Variants in RBFOX1 observed in about 807,000 individuals in gnomAD.
RBFOX1 encodes the protein RNA binding fox-1 homolog 1.
Under a neutral mutation model 57.7 loss-of-function variants are expected in RBFOX1, and 8 were observed. The observed-to-expected ratio is 0.14, with a 90% CI of 0.08 to 0.25. The LOEUF (loss-of-function observed/expected upper bound fraction) is 0.25, where lower values mean the gene tolerates loss of function less well. Among genes scored for constraint, RBFOX1 ranks in the 10% least tolerant of loss-of-function variants. The probability of loss-of-function intolerance (pLI) is 1.00; values close to 1 mark genes in which losing one functional copy is unlikely to be tolerated. For missense variants in RBFOX1, 611 were observed against 548.5 expected, an observed-to-expected ratio of 1.11 and a Z score of -1.14; for synonymous variants, 326 against 222.4, an observed-to-expected ratio of 1.47 and a Z score of -4.15.
chr16:6,942,098 G>A (rs189372116), intron 3 of RBFOX1, among the ~76,000 whole-genome samples: 4 of 152,144 alleles, frequency 2.6e-5, no homozygotes, highest in South Asian at 4.2e-4. Flanking sequence ...AATTAGCCAC[G>A]TGCAGTGGTG....
chr16:7,539,655 G>T (rs1407552288), intron 5 of RBFOX1, among the ~76,000 whole-genome samples: 1 of 152,198 alleles, frequency 6.6e-6, no homozygotes, highest in African/African-American at 2.4e-5. Context: ...TGAAATGCAG[G>T]AATAAGGATA....
chr16:7,504,739 A>ATATATATATATT (rs2072373930), intron 4 of RBFOX1, among the ~76,000 whole-genome samples: 4 of 7,938 alleles, frequency 5.0e-4, no homozygotes, highest in African/African-American at 1.6e-3. Context: ...ATATATATAT[A>ATATATATATATT]TATATATATA....
chr16:7,523,559 G>T (rs1473222293), intron 5 of RBFOX1, among the ~76,000 whole-genome samples: 1 of 152,152 alleles, frequency 6.6e-6, no homozygotes, highest in Non-Finnish European at 1.5e-5. Context: ...GGACCGGTTA[G>T]CTGTCTACTC....
intron 3 of RBFOX1, among the ~76,000 whole-genome samples, chr16:6,933,709 C>T (rs964355396): frequency 2.6e-5 from 4 of 152,166 alleles, no homozygotes; most frequent in South Asian, 2.1e-4. Context: ...CACGAGACTG[C>T]GTCTCATTAA....
chr16:7,532,442 C>G (rs1252190899), intron 5 of RBFOX1, among the ~76,000 whole-genome samples: 3 of 152,142 alleles, frequency 2.0e-5, no homozygotes, highest in African/African-American at 7.2e-5. Flanking sequence ...AATTTTTCCT[C>G]TTTTGAGACA....
chr16:5,350,229 T>C (rs1270768078), intron 1 of RBFOX1, among the ~76,000 whole-genome samples: 1 of 152,204 alleles, frequency 6.6e-6, no homozygotes, highest in Non-Finnish European at 1.5e-5. Flanking sequence ...CCCTTTGCCA[T>C]GAGAAACTCA....
chr16:6,674,373 G>C (rs925348340), intron 3 of RBFOX1, among the ~76,000 whole-genome samples: 1 of 151,870 alleles, frequency 6.6e-6, no homozygotes, highest in Non-Finnish European at 1.5e-5. Flanking sequence ...CCAGGCTGGA[G>C]TGCAATGGTG....
At chr16:6,672,817 C>T (rs1277777149) in intron 3 of RBFOX1, among the ~76,000 whole-genome samples, 1 of 152,148 alleles carries the variant, frequency 6.6e-6, no homozygotes, top group African/African-American at 2.4e-5. Context: ...CCCAAGTAAT[C>T]CTAACTTAAG....
At chr16:5,639,154 TA>T (rs2048779186) in intron 3 of RBFOX1, among the ~76,000 whole-genome samples, 1 of 152,356 alleles carries the variant, frequency 6.6e-6, no homozygotes, top group Admixed American at 6.5e-5. Context: ...AATACAGTTT[TA>T]TTAGTCACTT....
intron 4 of RBFOX1, among the ~76,000 whole-genome samples, chr16:7,383,054 G>GT (rs1379963528): frequency 1.3e-5 from 2 of 151,854 alleles, no homozygotes; most frequent in African/African-American, 4.8e-5. Flanking sequence ...ATTTTCTTTG[G>GT]TATCTAAAGA....
intron 4 of RBFOX1, among the ~76,000 whole-genome samples, chr16:5,955,118 T>TTAAAAAAAAAAAAAAAAA (rs2059599305): frequency 7.0e-5 from 1 of 14,290 alleles, no homozygotes; most frequent in African/African-American, 3.6e-4. Flanking sequence ...CCATCTCTAC[T>TTAAAAAAAAAAAAAAAAA]AAAAAAAAAA....
At chr16:6,352,014 C>A (rs890634679) in intron 2 of RBFOX1, among the ~76,000 whole-genome samples, 1 of 152,140 alleles carries the variant, frequency 6.6e-6, no homozygotes, top group Non-Finnish European at 1.5e-5. Context: ...CCAAACCTAC[C>A]CTTTTTCAGT....
chr16:6,102,336 T>C (rs775122979), intron 1 of RBFOX1, among the ~76,000 whole-genome samples: 22 of 152,194 alleles, frequency 1.4e-4, no homozygotes, highest in Non-Finnish European at 2.4e-4. Context: ...AGTTTGTTAA[T>C]TTTTCTAAGA....
intron 3 of RBFOX1, among the ~76,000 whole-genome samples, chr16:6,761,924 C>T (rs373898268): frequency 6.6e-6 from 1 of 152,104 alleles, no homozygotes; most frequent in African/African-American, 2.4e-5. Flanking sequence ...CACCTCTAGA[C>T]TGATGATCAT....
chr16:7,087,101 G>A (rs1567207372), intron 4 of RBFOX1, among the ~76,000 whole-genome samples: 1 of 152,170 alleles, frequency 6.6e-6, no homozygotes, highest in Non-Finnish European at 1.5e-5. Context: ...TAATGAGTCT[G>A]GGGAGGCCTT....
intron 2 of RBFOX1, among the ~76,000 whole-genome samples, chr16:6,381,469 G>C (rs1294389812): frequency 6.6e-6 from 1 of 152,200 alleles, no homozygotes; most frequent in Admixed American, 6.5e-5. Context: ...CAGGAAGTCA[G>C]CGAGGAGTGA....
chr16:6,320,918 C>G (rs1482089514), intron 2 of RBFOX1, among the ~76,000 whole-genome samples: 1 of 152,092 alleles, frequency 6.6e-6, no homozygotes, highest in Non-Finnish European at 1.5e-5. Flanking sequence ...CTCAGCCTCC[C>G]AAGTAGCTGA....
intron 13 of RBFOX1, among the ~76,000 whole-genome samples, chr16:7,665,703 G>A (rs1034191455): frequency 6.6e-6 from 1 of 152,258 alleles, no homozygotes; most frequent in South Asian, 2.1e-4. Flanking sequence ...ATGACTTGGA[G>A]TAAACACAAT....
chr16:6,643,851 C>G (rs558324224), intron 2 of RBFOX1, among the ~76,000 whole-genome samples: 2 of 151,818 alleles, frequency 1.3e-5, no homozygotes, highest in Non-Finnish European at 2.9e-5. Flanking sequence ...TAAGGCTGAG[C>G]ACGCTGGGTC....
Sources: allele counts gnomAD v4.1 joint callset (sites outside exome capture counted in the v4.1 genomes callset), GRCh38; gene constraint gnomAD v4.1.1; transcripts MANE v1.5; gene names NCBI Gene and HGNC (gene_info 2026-07-23, HGNC 2026-07-21).